Variants in SGCZ observed in about 807,000 individuals in gnomAD.
SGCZ encodes the protein zeta-sarcoglycan.
Under a neutral mutation model 41.3 loss-of-function variants are expected in SGCZ, and 40 were observed. The observed-to-expected ratio is 0.97, with a 90% CI of 0.75 to 1.26. SGCZ has a LOEUF of 1.26. SGCZ is among the 50% of genes most tolerant of loss of function. SGCZ has a pLI of 0.00. For synonymous variants in SGCZ, 206 were observed against 137.5 expected, an observed-to-expected ratio of 1.50 and a Z score of -3.49; for missense variants, 552 against 369.8, an observed-to-expected ratio of 1.49 and a Z score of -4.04.
chr8:14,772,465 A>G (rs1385564652), intron 1 of SGCZ, among the ~76,000 whole-genome samples: 2 of 151,482 alleles, frequency 1.3e-5, no homozygotes, highest in Non-Finnish European at 2.9e-5. Context: ...TTTAGGGTAC[A>G]TGTGCACGAT....
At chr8:14,474,573 TA>T (rs1255875423) in intron 2 of SGCZ, among the ~76,000 whole-genome samples, 1 of 151,984 alleles carries the variant, frequency 6.6e-6, no homozygotes, top group African/African-American at 2.4e-5. Context: ...ATTTCAAGAA[TA>T]AAAAAAGAAA....
intron 4 of SGCZ, among the ~76,000 whole-genome samples, chr8:14,200,501 A>G (rs983314751): frequency 4.6e-5 from 7 of 152,154 alleles, no homozygotes; most frequent in African/African-American, 7.2e-5. Flanking sequence ...AAAAGGACTG[A>G]CCAATCGACC....
At chr8:14,108,043 G>C (rs758843526) in intron 6 of SGCZ, 120 bp downstream of exon 6, 1 of 775,940 alleles carries the variant, frequency 1.3e-6, no homozygotes, top group Non-Finnish European at 2.0e-6. Flanking sequence ...ATTCATTTTT[G>C]TATTTATTTT....
intron 3 of SGCZ, among the ~76,000 whole-genome samples, chr8:14,317,502 C>T (rs1306873130): frequency 6.6e-6 from 1 of 151,806 alleles, no homozygotes; most frequent in Non-Finnish European, 1.5e-5. Flanking sequence ...ATACACAACA[C>T]CCAAACACCC....
At chr8:14,252,501 C>T (rs190005430) in intron 3 of SGCZ, among the ~76,000 whole-genome samples, 107 of 152,136 alleles carry the variant, frequency 7.0e-4, no homozygotes, top group Non-Finnish European at 7.4e-5. Flanking sequence ...TTAAATTTCA[C>T]TCGAGGTAGC....
chr8:15,121,813 G>A (rs1371895118), intron 1 of SGCZ, among the ~76,000 whole-genome samples: 3 of 149,056 alleles, frequency 2.0e-5, no homozygotes, highest in Non-Finnish European at 3.0e-5. Flanking sequence ...GTGCCAATAT[G>A]AAGGCAGAAG....
intron 2 of SGCZ, among the ~76,000 whole-genome samples, chr8:14,485,560 A>G (rs1057497873): frequency 7.9e-5 from 12 of 152,180 alleles, no homozygotes; most frequent in Middle Eastern, 3.4e-3. Flanking sequence ...TAACCACATT[A>G]TTAATGCTTA....
At chr8:14,329,966 T>G (rs1370765365) in intron 2 of SGCZ, among the ~76,000 whole-genome samples, 1 of 152,164 alleles carries the variant, frequency 6.6e-6, no homozygotes, top group African/African-American at 2.4e-5. Flanking sequence ...AATTTCTTGA[T>G]CCATGCATTC....
At chr8:14,450,597 C>G (rs1800563419) in intron 2 of SGCZ, among the ~76,000 whole-genome samples, 3 of 152,090 alleles carry the variant, frequency 2.0e-5, no homozygotes. Context: ...GTGATCACTG[C>G]TATTTTATAG....
At chr8:14,428,091 T>C (rs561374931) in intron 2 of SGCZ, among the ~76,000 whole-genome samples, 77 of 144,816 alleles carry the variant, frequency 5.3e-4, no homozygotes, top group African/African-American at 1.9e-3. Flanking sequence ...TACTGAAGAA[T>C]GGTTGTATAT....
At chr8:15,133,989 A>C (rs1267602496) in intron 1 of SGCZ, among the ~76,000 whole-genome samples, 2 of 152,150 alleles carry the variant, frequency 1.3e-5, no homozygotes, top group Non-Finnish European at 2.9e-5. Flanking sequence ...TGAGAAATTA[A>C]TATTAACTCT....
chr8:15,155,901 A>T (rs561075349), intron 1 of SGCZ, among the ~76,000 whole-genome samples: 1 of 151,992 alleles, frequency 6.6e-6, no homozygotes, highest in African/African-American at 2.4e-5. Context: ...CTACTAAAAT[A>T]CAAAAAATCA....
intron 2 of SGCZ, among the ~76,000 whole-genome samples, chr8:14,483,554 G>C (rs114972820): frequency 0.02 from 2,983 of 152,290 alleles, 95 homozygotes; most frequent in African/African-American, 0.067. Context: ...CTAGGCAACA[G>C]AGTGACACCC....
At chr8:14,538,638 A>G (rs1009071212) in intron 2 of SGCZ, among the ~76,000 whole-genome samples, 9 of 151,980 alleles carry the variant, frequency 5.9e-5, no homozygotes, top group Non-Finnish European at 8.8e-5. Context: ...GCATAACACA[A>G]TAAGGCCTTT....
At chr8:14,223,909 A>G (rs889232144) in intron 4 of SGCZ, among the ~76,000 whole-genome samples, 1 of 152,188 alleles carries the variant, frequency 6.6e-6, no homozygotes, top group African/African-American at 2.4e-5. Context: ...AGTAATGTGA[A>G]AAGAGTTTCA....
At chr8:15,021,872 G>C (rs1053866712) in intron 1 of SGCZ, among the ~76,000 whole-genome samples, 1 of 152,134 alleles carries the variant, frequency 6.6e-6, no homozygotes, top group African/African-American at 2.4e-5. Flanking sequence ...GAATGCCCTT[G>C]CTAATTCTTA....
intron 1 of SGCZ, among the ~76,000 whole-genome samples, chr8:14,897,193 G>A (rs73666924): frequency 0.059 from 8,994 of 152,212 alleles, 506 homozygotes; most frequent in African/African-American, 0.15. Context: ...TCATGTAAAG[G>A]TATTTTAATT....
At chr8:14,341,394 G>A (rs897819371) in intron 2 of SGCZ, among the ~76,000 whole-genome samples, 1 of 152,112 alleles carries the variant, frequency 6.6e-6, no homozygotes. Flanking sequence ...TCTCAGCAAT[G>A]CACAAGACTT....
At position 14,811,639 on chromosome 8, in the gene SGCZ, C is replaced by A. The variant is rs537943417; in HGVS notation, c.40-256713G>T. On this transcript the variant is annotated intron_variant, in intron 1 of 7. Transcript: ENST00000382080. ...ATAAATCAAATTTTCACATAAATTTCATAGAATCTGGAGAACAGCCATTAA... is the reference window on the plus strand; with the variant it reads ...ATAAATCAAATTTTCACATAAATTTAATAGAATCTGGAGAACAGCCATTAA... 1.7e-3 allele frequency among the ~76,000 whole-genome samples: 228 copies of A among 135,408 alleles called. 1 individual carries two copies. Among genetic ancestry groups the A allele is most frequent in the Middle Eastern group, 0.015 (3 of 200 alleles). The allele number at this position is 135,408 out of a possible 152,430, so 88.8% of individuals were successfully genotyped here.
Sources: allele counts gnomAD v4.1 joint callset (sites outside exome capture counted in the v4.1 genomes callset), GRCh38; gene constraint gnomAD v4.1.1; transcripts MANE v1.5; gene names NCBI Gene and HGNC (gene_info 2026-07-23, HGNC 2026-07-21).